RARA: variants seen among roughly 807,000 people sequenced by gnomAD.
The protein encoded by RARA is PML-DDX5-RARA fusion.
Under a neutral mutation model 42.8 loss-of-function variants are expected in RARA, and 5 were observed. The observed-to-expected ratio is 0.12, with a 90% confidence interval of 0.06 to 0.25. RARA has a LOEUF of 0.25. RARA is among the 10% of genes least tolerant of loss of function. RARA has a pLI of 1.00. For synonymous variants in RARA, 256 were observed against 259.5 expected (o/e 0.99, Z 0.13); for missense variants, 402 against 628.7 (o/e 0.64, Z 3.86).
chr17:40,332,553 T>TG (rs921490623), intron 2 of RARA, among the ~76,000 whole-genome samples: 1 of 152,120 alleles, frequency 6.6e-6, no homozygotes, highest in African/African-American at 2.4e-5. Context: ...GGGCAGGCCC[T>TG]GGCTGGGCGC....
At position 40,354,162 on chromosome 17, in the gene RARA, T is replaced by C. The variant is rs373489272; in HGVS notation, c.808-140T>C. 4 of 748,460 alleles carry C rather than the reference T, an allele frequency of 5.3e-6. No individual in the cohort carries two copies. Among genetic ancestry groups the C allele is most frequent in the Non-Finnish European group, 8.9e-6 (4 of 450,732 alleles). 46.4% of individuals were successfully genotyped at this position (748,460 alleles called of 1,614,324 possible). On this transcript the variant is annotated intron_variant, in intron 6 of 8. Transcript: ENST00000254066. This position sits in a 1 kb window ranked among gnomAD's most constrained non-coding sequence, Gnocchi z 4.5. Reference sequence around the variant, plus strand: ...GTGCAGACGTAGAACCTTTCCATCATTGTAGAAAATTCTATCAGACAGCAT... The same window carrying C: ...GTGCAGACGTAGAACCTTTCCATCACTGTAGAAAATTCTATCAGACAGCAT...
chr17:40,325,250 C>T (rs946130939), intron 1 of RARA, among the ~76,000 whole-genome samples: 9 of 130,768 alleles, frequency 6.9e-5, no homozygotes, highest in African/African-American at 2.6e-4. Context: ...GACTCCATCT[C>T]AAAAATAAAT....
At chr17:40,339,259 T>C (rs544409930) in intron 2 of RARA, among the ~76,000 whole-genome samples, 1 of 152,130 alleles carries the variant, frequency 6.6e-6, no homozygotes, top group African/African-American at 2.4e-5. Context: ...CTGTTTGTTG[T>C]CCCCTCCAGA....
chr17:40,317,919 G>A (rs1439180657), intron 1 of RARA, among the ~76,000 whole-genome samples: 1 of 152,074 alleles, frequency 6.6e-6, no homozygotes, highest in East Asian at 1.9e-4. Context: ...GTGTGTGGTT[G>A]GGGGGAAAGG....
At chr17:40,319,295 G>A (rs887364581) in intron 1 of RARA, among the ~76,000 whole-genome samples, 15 of 152,130 alleles carry the variant, frequency 9.9e-5, no homozygotes, top group Admixed American at 4.6e-4. Context: ...CTAGGGTGGG[G>A]ATGGGGACCA....
In RARA at chr17:40,354,385, G is replaced by T. The variant is rs1328672864; in HGVS notation, c.891G>T (p.Met297Ile). 1 of 1,614,204 alleles carries T rather than the reference G, an allele frequency of 6.2e-7. No individual in the cohort carries two copies. Among genetic ancestry groups the T allele is most frequent in the East Asian group, 2.2e-5 (1 of 44,880 alleles). The change falls in exon 7 of 9, where the codon ATG becomes ATT. Residue 297 changes from methionine to isoleucine, a missense_variant. Transcript: ENST00000254066. The surrounding 1 kb of genome is among the most constrained non-coding windows in gnomAD (Gnocchi z 4.5). ...SDGLTLNRTQ[M>I]HNAGFGPLTD... is the part of the protein sequence containing the mutation. The stretch of plus-strand genomic sequence containing the variant: ...GGCTGACCCTGAACCGGACCCAGAT[G>T]CACAACGCTGGCTTCGGCCCCCTCA...
At chr17:40,315,682 CTTG>C (rs767163375) in intron 1 of RARA, among the ~76,000 whole-genome samples, 6 of 152,044 alleles carry the variant, frequency 3.9e-5, no homozygotes, top group Non-Finnish European at 8.8e-5. Context: ...AGAAGACAGC[CTTG>C]TTGTACTAGA....
chr17:40,328,599 A>G (rs1052694460), intron 1 of RARA, among the ~76,000 whole-genome samples: 1 of 151,984 alleles, frequency 6.6e-6, no homozygotes, highest in Non-Finnish European at 1.5e-5. Context: ...CCTCAAATCC[A>G]CGCCCCAGCT....
Position 40,330,108 on chromosome 17 carries a change from C to T in RARA, c.-362-749C>T, listed in dbSNP as rs3813037. 1.7e-3 allele frequency among the ~76,000 whole-genome samples: 257 copies of T among 152,310 alleles called. 1 individual carries two copies. The highest frequency in any genetic ancestry group is 2.1e-3 in the East Asian group (11 of 5,178). ...CATCTGGCCTTTCATCTTCTGCCCA[C>T]CTCCCACCCCAGTTCATGTGTTTTG... On this transcript the variant is annotated intron_variant, in intron 1 of 8. Transcript: ENST00000254066.
chr17:40,355,317 T>A lies in RARA; in HGVS notation c.1067T>A (p.Leu356Gln). The change falls in exon 8 of 9, where the codon CTG (leucine) becomes CAG (glutamine). Residue 356 changes from leucine (L) to glutamine (Q), a missense_variant. Physicochemically the swap from Leu to Gln is moderately radical, Grantham distance 113. Coordinates refer to ENST00000254066, the MANE Select transcript of RARA (RefSeq NM_000964.4). This position sits in a 1 kb window ranked among gnomAD's most constrained non-coding sequence, Gnocchi z 4.1. ...DRVDMLQEPL[L>Q]EALKVYVRKR... ...GTGGACATGCTGCAGGAGCCGCTGCTGGAGGCGCTAAAGGTCTACGTGCGG... is the reference window on the plus strand; with the variant it reads ...GTGGACATGCTGCAGGAGCCGCTGCAGGAGGCGCTAAAGGTCTACGTGCGG... 1 of 1,609,130 alleles carries A rather than the reference T, an allele frequency of 6.2e-7. No individual in the cohort carries two copies. Among genetic ancestry groups the A allele is most frequent in the Non-Finnish European group, 8.5e-7 (1 of 1,177,662 alleles).
intron 2 of RARA, chr17:40,342,668 A>T (rs1245525117): frequency 6.3e-7 from 1 of 1,582,460 alleles, no homozygotes; most frequent in Admixed American, 1.7e-5. Context: ...GGCGCGCAGG[A>T]CTTCCCAGCT....
chr17:40,334,080 G>A (rs949743465), intron 2 of RARA, among the ~76,000 whole-genome samples: 6 of 152,204 alleles, frequency 3.9e-5, no homozygotes, highest in Non-Finnish European at 7.4e-5. Context: ...GTTGGAGGTG[G>A]GGGCTGGGGC....
rs549436148 is a variant in RARA at position 40,320,702 on chromosome 17, T to C, written c.-362-10155T>C. On this transcript the variant is annotated intron_variant, in intron 1 of 8. Transcript: ENST00000254066. The surrounding 1 kb of genome is among the most constrained non-coding windows in gnomAD (Gnocchi z 4.1). Reference sequence around the variant, plus strand: ...CCAGTTTCCAGTCCTCTTGGAAGCATGGGCAGGACAGGACTTAGGCTAGGC... The same window carrying C: ...CCAGTTTCCAGTCCTCTTGGAAGCACGGGCAGGACAGGACTTAGGCTAGGC... 2.5e-4 allele frequency among the ~76,000 whole-genome samples: 38 copies of C among 152,154 alleles called. No homozygotes were observed. Among genetic ancestry groups the C allele is most frequent in the Middle Eastern group, 3.2e-3 (1 of 316 alleles).
Position 40,351,198 on chromosome 17 carries a change from A to C in RARA, c.470-712A>C. Among the ~76,000 whole-genome samples, 2 of 150,500 alleles carry C rather than the reference A, an allele frequency of 1.3e-5. No homozygotes were observed. The highest frequency in any genetic ancestry group is 2.1e-4 in the South Asian group (1 of 4,720). On this transcript the variant is annotated intron_variant, in intron 4 of 8. Transcript: ENST00000254066. The surrounding 1 kb of genome is among the most constrained non-coding windows in gnomAD (Gnocchi z 4.1). ...GCAGAATCGACATGAGTGATCTCCA[A>C]ATTATGCCAGCTACCCCCACCTCGC...
At chr17:40,341,366 G>A (rs1162044321) in intron 2 of RARA, 1 of 1,448,282 alleles carries the variant, frequency 6.9e-7, no homozygotes, top group South Asian at 1.4e-5. Flanking sequence ...CTGCCGCGTC[G>A]GGTTCCGGCG....
intron 2 of RARA, among the ~76,000 whole-genome samples, chr17:40,347,625 A>T (rs1217720508): frequency 6.6e-6 from 1 of 152,184 alleles, no homozygotes; most frequent in Admixed American, 6.5e-5. Flanking sequence ...CTCTCCCCAG[A>T]TGGGGGGTAC....
At chr17:40,322,596 A>G (rs1380176614) in intron 1 of RARA, among the ~76,000 whole-genome samples, 1 of 152,042 alleles carries the variant, frequency 6.6e-6, no homozygotes, top group African/African-American at 2.4e-5. Context: ...GTCCTACCGC[A>G]GGTCCTCAGC....
rs1246927524 is a variant in RARA, at chr17:40,355,712, G to A, written c.1171+291G>A. Among the ~76,000 whole-genome samples, 7 of 152,222 alleles carry A rather than the reference G, an allele frequency of 4.6e-5. No homozygotes were observed. Among genetic ancestry groups the A allele is most frequent in the South Asian group, 4.1e-4 (2 of 4,838 alleles). On this transcript the variant is annotated intron_variant, in intron 8 of 8. Coordinates refer to ENST00000254066, the MANE Select transcript of RARA (RefSeq NM_000964.4). This position sits in a 1 kb window ranked among gnomAD's most constrained non-coding sequence, Gnocchi z 4.1. ...CCTTCCGAGGGCGGGGATAACATTC[G>A]TGTTTACAGAGGGGTCGGGATGATC...
intron 1 of RARA, among the ~76,000 whole-genome samples, chr17:40,327,123 G>A (rs2033569267): frequency 6.6e-6 from 1 of 152,100 alleles, no homozygotes; most frequent in Non-Finnish European, 1.5e-5. Context: ...GGCTGGGGGT[G>A]AGGTGGGGGT....
Sources: gnomAD v4.1 joint callset for allele counts (sites outside exome capture counted in the v4.1 genomes callset) on GRCh38, gnomAD v4.1.1 for gene constraint, Gnocchi (gnomAD v3.1) non-coding constraint, MANE v1.5 for transcripts, NCBI Gene and HGNC (gene_info 2026-07-23, HGNC 2026-07-21) for gene names.